Variants in UGT1A4 observed in about 807,000 individuals in gnomAD.
UGT1A4 encodes the protein UDP-glucuronosyltransferase 1A4.
A neutral mutation model predicts 41.1 loss-of-function variants in UGT1A4; 32 were observed. The ratio of observed to expected loss-of-function variants is 0.78; its 90% CI spans 0.59 to 1.05. The LOEUF (loss-of-function observed/expected upper bound fraction) is 1.05, where lower values mean the gene tolerates loss of function less well. Among genes scored for constraint, UGT1A4 ranks in the 50% least tolerant of loss-of-function variants. The pLI, the probability that UGT1A4 is intolerant of heterozygous loss-of-function variation, is 0.00. For missense variants in UGT1A4, 748 were observed against 677.4 expected, an observed-to-expected ratio of 1.10 and a Z score of -1.16; for synonymous variants, 283 against 265.1, an observed-to-expected ratio of 1.07 and a Z score of -0.66.
rs146693320 is a variant in UGT1A4, at chr2:233,769,441, G to T, written c.1307+1002G>T. The T allele has an allele frequency of 6.5e-7, 1 of 1,546,730 alleles. No homozygotes were observed. Among genetic ancestry groups the T allele is most frequent in the East Asian group, 2.3e-5 (1 of 44,376 alleles). ...TGCATGTGGCTGTGCTCATGTGTGGGTGCACACGTGTGCATTCATATGCGT... is the reference window on the plus strand; with the variant it reads ...TGCATGTGGCTGTGCTCATGTGTGGTTGCACACGTGTGCATTCATATGCGT... On this transcript the variant is annotated intron_variant, in intron 4 of 4. Transcript: ENST00000373409. The surrounding 1 kb of genome is among the most constrained non-coding windows in gnomAD (Gnocchi z 4.4).
chr2:233,760,827 A>G lies in UGT1A4; in HGVS notation c.868-6207A>G, dbSNP rs148755655. ...TGCATGCACTGCCATGCAGCCTGGA[A>G]TTTGAGGCTACCCAGTGCCCCAACC... On this transcript the variant is annotated intron_variant, in intron 1 of 4. Transcript: ENST00000373409. 4,073 of 1,613,502 alleles carry G rather than the reference A, an allele frequency of 2.5e-3. 8 individuals carry two copies. The highest frequency in any genetic ancestry group is 3.2e-3 in the Non-Finnish European group (3,736 of 1,179,512).
chr2:233,724,289 T>C (rs1391719370), intron 1 of UGT1A4, among the ~76,000 whole-genome samples: 13 of 129,340 alleles, frequency 1.0e-4, no homozygotes, highest in African/African-American at 3.0e-4. Flanking sequence ...GGCGGGGGGC[T>C]GACCCCCCCA....
chr2:233,753,309 CCT>C (rs1299890388), intron 1 of UGT1A4: 3 of 152,212 alleles, frequency 2.0e-5, no homozygotes, highest in African/African-American at 7.2e-5. Context: ...CCCGTGTGCC[CCT>C]GTGGGATGGT....
chr2:233,735,915 C>T (rs1408003529), intron 1 of UGT1A4, among the ~76,000 whole-genome samples: 4 of 152,042 alleles, frequency 2.6e-5, no homozygotes, highest in South Asian at 4.2e-4. Flanking sequence ...GTGGGTAACC[C>T]GACCTTTCTC....
rs780354743 is a variant in UGT1A4 at position 233,767,874 on chromosome 2, G to A, written c.1025G>A (p.Arg342Gln). Residue 342 changes from arginine to glutamine, a missense_variant, in exon 3 of 5, where the codon CGA becomes CAA. Coordinates refer to ENST00000373409, the MANE Select transcript of UGT1A4 (RefSeq NM_007120.3). ...QTVLWRYTGT[R>Q]PSNLANNTIL... ...GTCCTGTGGCGGTACACTGGAACCC[G>A]ACCATCGAATCTTGCGAACAACACG... 28 of 1,613,980 alleles carry A rather than the reference G, an allele frequency of 1.7e-5. No individual in the cohort carries two copies. Among genetic ancestry groups the A allele is most frequent in the Admixed American group, 1.0e-4 (6 of 59,998 alleles).
intron 1 of UGT1A4, among the ~76,000 whole-genome samples, chr2:233,744,831 G>A (rs1406769887): frequency 6.6e-6 from 1 of 151,816 alleles, no homozygotes; most frequent in African/African-American, 2.4e-5. Flanking sequence ...TTTGAGAATC[G>A]CTAGTCTAGC....
rs753125541 is a variant in UGT1A4, at chr2:233,729,452, A to C, written c.867+9765A>C. The C allele has an allele frequency of 1.4e-5, 23 of 1,614,030 alleles. No individual in the cohort carries two copies. The highest frequency in any genetic ancestry group is 1.7e-4 in the Middle Eastern group (1 of 6,060). On this transcript the variant is annotated intron_variant, in intron 1 of 4. Transcript: ENST00000373409. ...TTTGAAACAGAACATTTTCTGAAGA[A>C]ATTTTTCAGAAGTATGGCAATGTTG...
intron 1 of UGT1A4, among the ~76,000 whole-genome samples, chr2:233,727,690 C>G (rs1223646501): frequency 6.6e-6 from 1 of 152,230 alleles, no homozygotes; most frequent in African/African-American, 2.4e-5. Context: ...GAATCATCCT[C>G]TACTGGACAG....
rs76915905 is a variant in UGT1A4, at chr2:233,721,524, C to T, written c.867+1837C>T. The T allele has an allele frequency of 8.1e-3, 1,365 of 167,890 alleles. 11 individuals carry two copies. The highest frequency in any genetic ancestry group is 0.011 in the Non-Finnish European group (835 of 78,422). 10.4% of individuals were successfully genotyped at this position (167,890 alleles called of 1,614,324 possible). A position where few individuals can be genotyped will look rare whatever the true frequency, so the allele number is the denominator to read the frequency against. ...GCATTTATTTTATGCTGAATTTCTT[C>T]CAGAGCCATAGGTAAATTTTTTCTT... On this transcript the variant is annotated intron_variant, in intron 1 of 4. Coordinates refer to ENST00000373409, the MANE Select transcript of UGT1A4 (RefSeq NM_007120.3).
chr2:233,740,508 G>A (rs529004725), intron 1 of UGT1A4, among the ~76,000 whole-genome samples: 1 of 152,040 alleles, frequency 6.6e-6, no homozygotes, highest in East Asian at 1.9e-4. Flanking sequence ...AGTGTGTGAT[G>A]TAAGCTGAAC....
At chr2:233,730,026 C>G (rs2077971569) in intron 1 of UGT1A4, 3 of 1,613,402 alleles carry the variant, frequency 1.9e-6, no homozygotes, top group African/African-American at 2.7e-5. Flanking sequence ...AATCAATGTT[C>G]CAGGCAAAAC....
chr2:233,725,696 T>A (rs1461246019), intron 1 of UGT1A4, among the ~76,000 whole-genome samples: 1 of 152,258 alleles, frequency 6.6e-6, no homozygotes, highest in African/African-American at 2.4e-5. Context: ...AATAGTCATA[T>A]GTAGTTAGTG....
At chr2:233,741,151 C>T (rs1377389492) in intron 1 of UGT1A4, among the ~76,000 whole-genome samples, 2 of 151,930 alleles carry the variant, frequency 1.3e-5, no homozygotes, top group Admixed American at 6.5e-5. Flanking sequence ...TATGACAGCA[C>T]TAATCCAGGA....
At chr2:233,764,546 TGGGA>T (rs1045982534) in intron 1 of UGT1A4, among the ~76,000 whole-genome samples, 5 of 152,234 alleles carry the variant, frequency 3.3e-5, no homozygotes, top group African/African-American at 1.2e-4. Context: ...AGTGGGCGTG[TGGGA>T]GGGTGTGCCT....
At chr2:233,749,405 TG>T (rs1425183484) in intron 1 of UGT1A4, among the ~76,000 whole-genome samples, 1 of 151,948 alleles carries the variant, frequency 6.6e-6, no homozygotes, top group African/African-American at 2.4e-5. Flanking sequence ...TATTCTCTAG[TG>T]TTAACTACAT....
chr2:233,737,151 C>G (rs2078845599), intron 1 of UGT1A4, among the ~76,000 whole-genome samples: 1 of 152,244 alleles, frequency 6.6e-6, no homozygotes, highest in African/African-American at 2.4e-5. Flanking sequence ...CAGATATGCC[C>G]TGCCCACAGA....
rs761038539 is a variant in UGT1A4 at position 233,743,935 on chromosome 2, C to G, written c.868-23099C>G. 3 of 1,357,014 alleles carry G rather than the reference C, an allele frequency of 2.2e-6. No homozygotes were observed. In the East Asian group the frequency reaches 1.4e-4, roughly 62 times the overall value. 84.1% of individuals were successfully genotyped at this position (1,357,014 alleles called of 1,614,324 possible). On this transcript the variant is annotated intron_variant, in intron 1 of 4. Transcript: ENST00000373409. Reference sequence around the variant, plus strand: ...CCACCATGCTGGATGGCCAGAACGGCCCACCAGGCACTGGCACAGCGAGCG... The same window carrying G: ...CCACCATGCTGGATGGCCAGAACGGGCCACCAGGCACTGGCACAGCGAGCG...
chr2:233,748,954 C>G (rs1349169273), intron 1 of UGT1A4, among the ~76,000 whole-genome samples: 2 of 151,646 alleles, frequency 1.3e-5, no homozygotes, highest in Non-Finnish European at 2.9e-5. Context: ...TATCCCACTC[C>G]AAGTTTCTAT....
At chr2:233,743,773 C>CT in intron 1 of UGT1A4, 1 of 1,367,366 alleles carries the variant, frequency 7.3e-7, no homozygotes, top group Non-Finnish European at 9.8e-7. Flanking sequence ...CCTCGGCCAC[C>CT]TGCTTGAATC....
Sources: allele counts gnomAD v4.1 joint callset (sites outside exome capture counted in the v4.1 genomes callset), GRCh38; gene constraint gnomAD v4.1.1; non-coding constraint Gnocchi (gnomAD v3.1); transcripts MANE v1.5; gene names NCBI Gene and HGNC (gene_info 2026-07-23, HGNC 2026-07-21).